Variants in GALNT11 observed in about 807,000 individuals in gnomAD.
GALNT11 encodes the protein UDP-GalNAc:polypeptide N-acetylgalactosaminyltransferase 11.
Under a neutral mutation model 72.7 loss-of-function variants are expected in GALNT11, and 47 were observed. The ratio of observed to expected loss-of-function variants is 0.65; its 90% CI spans 0.51 to 0.82. The LOEUF (loss-of-function observed/expected upper bound fraction) is 0.82. Among genes scored for constraint, GALNT11 ranks in the 40% least tolerant of loss-of-function variants. GALNT11 has a pLI of 0.00. For synonymous variants in GALNT11, 270 were observed against 286.6 expected (o/e 0.94, Z 0.58); for missense variants, 677 against 778.4 (o/e 0.87, Z 1.55).
intron 10 of GALNT11, 190 bp from the exon 11 acceptor site, chr7:152,120,641 C>A: frequency 1.8e-6 from 1 of 560,566 alleles, no homozygotes; most frequent in African/African-American, 1.9e-5. Flanking sequence ...CCCAGAATAG[C>A]ACCTCACTTT....
intron 1 of GALNT11, among the ~76,000 whole-genome samples, chr7:152,072,008 T>G (rs886307847): frequency 8.0e-5 from 7 of 87,680 alleles, no homozygotes; most frequent in Non-Finnish European, 1.4e-4. Context: ...AAACTCTGTC[T>G]CAAAAAAAAA....
intron 8 of GALNT11, among the ~76,000 whole-genome samples, chr7:152,113,708 C>CT (rs1286013789): frequency 2.1e-5 from 2 of 94,446 alleles, no homozygotes; most frequent in Middle Eastern, 6.2e-3. Flanking sequence ...CAAAAGTTGG[C>CT]TTTCTTTTTT....
At chr7:152,075,348 T>C (rs1361244262) in intron 1 of GALNT11, among the ~76,000 whole-genome samples, 2 of 152,240 alleles carry the variant, frequency 1.3e-5, no homozygotes, top group Non-Finnish European at 2.9e-5. Flanking sequence ...ACTTGTATTT[T>C]GTGACTTGTT....
At chr7:152,101,001 G>A in intron 3 of GALNT11, 80 bp downstream of exon 3, 1 of 1,543,862 alleles carries the variant, frequency 6.5e-7, no homozygotes, top group Admixed American at 1.9e-5. Flanking sequence ...ACGAGGACGG[G>A]GTTCATATTT....
intron 1 of GALNT11, among the ~76,000 whole-genome samples, chr7:152,034,467 T>C (rs572627522): frequency 6.6e-6 from 1 of 152,234 alleles, no homozygotes; most frequent in East Asian, 1.9e-4. Flanking sequence ...CATAGTGCGG[T>C]AAAAATGAGC....
intron 1 of GALNT11, among the ~76,000 whole-genome samples, chr7:152,070,973 G>A (rs2129009811): frequency 1.3e-5 from 2 of 152,278 alleles, no homozygotes; most frequent in South Asian, 4.1e-4. Flanking sequence ...TTTTCAAAAG[G>A]GGAAGGGAGT....
At chr7:152,041,715 T>C (rs1041269747) in intron 1 of GALNT11, among the ~76,000 whole-genome samples, 9 of 152,212 alleles carry the variant, frequency 5.9e-5, no homozygotes, top group Non-Finnish European at 1.0e-4. Flanking sequence ...TAGGATCTCC[T>C]CTAAGGATAG....
At chr7:152,042,364 A>AT (rs1383767375) in intron 1 of GALNT11, among the ~76,000 whole-genome samples, 3 of 152,250 alleles carry the variant, frequency 2.0e-5, no homozygotes, top group South Asian at 2.1e-4. Context: ...CGTTTACCTG[A>AT]TTTTTTCTTA....
chr7:152,087,509 C>T (rs762723654), intron 1 of GALNT11, among the ~76,000 whole-genome samples: 1 of 152,154 alleles, frequency 6.6e-6, no homozygotes, highest in African/African-American at 2.4e-5. Context: ...TGCCAGATTA[C>T]GTAGGGACTT....
At chr7:152,118,858 C>A in intron 10 of GALNT11, 76 bp downstream of exon 10, 1 of 1,152,850 alleles carries the variant, frequency 8.7e-7, no homozygotes, top group South Asian at 1.5e-5. Context: ...GCCAGTCACT[C>A]CTGAGGACAT....
intron 7 of GALNT11, 22 bp downstream of exon 7, chr7:152,110,667 C>T: frequency 1.4e-6 from 2 of 1,385,504 alleles, no homozygotes; most frequent in Non-Finnish European, 2.0e-6. Flanking sequence ...TTTGCATGCT[C>T]AATTAATAAC....
intron 7 of GALNT11, among the ~76,000 whole-genome samples, 170 bp from the exon 8 acceptor site, chr7:152,113,076 A>G (rs1044951715): frequency 2.0e-5 from 3 of 152,220 alleles, no homozygotes; most frequent in East Asian, 3.8e-4. Context: ...ATTTCTAACA[A>G]TGTGTACCTT....
chr7:152,099,942 G>A lies in GALNT11; in HGVS notation c.296-856G>A, dbSNP rs1188046514. ...TGTGAGCCACTGAGCCACCACACCT[G>A]GCTAATTTTTTTTTTTTTTTTTTTT... On this transcript the variant is annotated intron_variant, in intron 2 of 11. Coordinates refer to ENST00000430044, the MANE Select transcript of GALNT11 (RefSeq NM_022087.4). 2.1e-5 allele frequency among the ~76,000 whole-genome samples: 3 copies of A among 146,336 alleles called. No individual in the cohort carries two copies. The East Asian group carries it at 6.1e-4, about 30-fold the overall frequency.
chr7:152,119,638 G>T (rs1320509536), intron 10 of GALNT11: 1 of 152,198 alleles, frequency 6.6e-6, no homozygotes, highest in Non-Finnish European at 1.5e-5. Flanking sequence ...ACTTTGGGAG[G>T]ATGAGGTGGG....
At position 152,094,562 on chromosome 7, in the gene GALNT11, T is replaced by G; in HGVS notation, c.295+40T>G. ...TTTACCAGCATCCATATCAATGTATTTAATCACTGGAAGTTTGATTAATTA... is the reference window on the plus strand; with the variant it reads ...TTTACCAGCATCCATATCAATGTATGTAATCACTGGAAGTTTGATTAATTA... On this transcript the variant is annotated intron_variant, in intron 2 of 11. Coordinates refer to ENST00000430044, the MANE Select transcript of GALNT11 (RefSeq NM_022087.4). The surrounding 1 kb of genome is among the most constrained non-coding windows in gnomAD (Gnocchi z 4.3). The G allele has an allele frequency of 6.5e-7, 1 of 1,527,958 alleles. No individual in the cohort carries two copies. Among genetic ancestry groups the G allele is most frequent in the Non-Finnish European group, 8.8e-7 (1 of 1,137,508 alleles). 94.7% of individuals were successfully genotyped at this position (1,527,958 alleles called of 1,614,324 possible).
intron 1 of GALNT11, among the ~76,000 whole-genome samples, chr7:152,078,113 A>C (rs2085092615): frequency 6.6e-6 from 1 of 152,074 alleles, no homozygotes; most frequent in South Asian, 2.1e-4. Context: ...GCTGGACAAC[A>C]CTGAAGAAGC....
Position 152,110,512 on chromosome 7 carries a change from A to C in GALNT11, c.963-16A>C. 1 of 1,588,706 alleles carries C rather than the reference A, an allele frequency of 6.3e-7. No individual in the cohort carries two copies. The highest frequency in any genetic ancestry group is 8.6e-7 in the Non-Finnish European group (1 of 1,159,312). Reference sequence around the variant, plus strand: ...CTGACTATAAGGAATGAGTACAGTAATTTTCCTTTTTCTAGGTCACCAACA... The same window carrying C: ...CTGACTATAAGGAATGAGTACAGTACTTTTCCTTTTTCTAGGTCACCAACA... On this transcript the variant is annotated splice_polypyrimidine_tract_variant and intron_variant, in intron 6 of 11. Transcript: ENST00000430044.
intron 1 of GALNT11, among the ~76,000 whole-genome samples, chr7:152,054,820 G>A (rs1175490596): frequency 6.6e-6 from 1 of 152,028 alleles, no homozygotes; most frequent in East Asian, 1.9e-4. Context: ...AGCTTGGCAT[G>A]TTCATGTTAC....
At chr7:152,050,523 C>T (rs1176717903) in intron 1 of GALNT11, among the ~76,000 whole-genome samples, 4 of 152,160 alleles carry the variant, frequency 2.6e-5, no homozygotes, top group South Asian at 2.1e-4. Context: ...TTTACTCTTC[C>T]GTCTCCTTTC....
Sources: gnomAD v4.1 joint callset for allele counts (sites outside exome capture counted in the v4.1 genomes callset) on GRCh38, gnomAD v4.1.1 for gene constraint, Gnocchi (gnomAD v3.1) non-coding constraint, MANE v1.5 for transcripts, NCBI Gene and HGNC (gene_info 2026-07-23, HGNC 2026-07-21) for gene names.